Variants in MAGI2 observed in about 807,000 individuals in gnomAD.
MAGI2 encodes membrane associated guanylate kinase, WW and PDZ domain containing 2.
In MAGI2, 35 loss-of-function variants were observed where a neutral mutation model predicts 133.3. The observed-to-expected ratio is 0.26, with a 90% CI of 0.20 to 0.35. The LOEUF (loss-of-function observed/expected upper bound fraction) is 0.35, where lower values mean the gene tolerates loss of function less well. MAGI2 is among the 10% of genes least tolerant of loss of function. The probability of loss-of-function intolerance (pLI) is 1.00; values close to 1 mark genes in which losing one functional copy is unlikely to be tolerated. For synonymous variants in MAGI2, 729 were observed against 710.6 expected (o/e 1.03, Z -0.41); for missense variants, 1,636 against 1,863.4 (o/e 0.88, Z 2.25).
At chr7:78,279,078 A>G (rs1347010486) in intron 9 of MAGI2, among the ~76,000 whole-genome samples, 1 of 152,130 alleles carries the variant, frequency 6.6e-6, no homozygotes, top group Non-Finnish European at 1.5e-5. Flanking sequence ...ACATATCAGA[A>G]CTGGTTTCAC....
chr7:79,210,633 A>T (rs1230998435), intron 1 of MAGI2, among the ~76,000 whole-genome samples: 1 of 152,040 alleles, frequency 6.6e-6, no homozygotes, highest in Non-Finnish European at 1.5e-5. Context: ...AGCACTAAAA[A>T]CTTCCATCAC....
chr7:78,106,687 G>T (rs575971776), intron 20 of MAGI2, among the ~76,000 whole-genome samples: 1 of 151,920 alleles, frequency 6.6e-6, no homozygotes, highest in Non-Finnish European at 1.5e-5. Flanking sequence ...CAGATATTTT[G>T]CCCATTTTTA....
At chr7:78,552,334 T>A (rs1018050277) in intron 3 of MAGI2, among the ~76,000 whole-genome samples, 28 of 151,826 alleles carry the variant, frequency 1.8e-4, no homozygotes, top group African/African-American at 6.8e-4. Flanking sequence ...CAGGCATGCA[T>A]CACCACGCCT....
intron 1 of MAGI2, among the ~76,000 whole-genome samples, chr7:79,075,562 A>T (rs1815387701): frequency 6.6e-6 from 1 of 152,112 alleles, no homozygotes; most frequent in African/African-American, 2.4e-5. Flanking sequence ...GGAGTTCAAG[A>T]CCAGCCTGGG....
At chr7:79,210,920 T>G (rs887933835) in intron 1 of MAGI2, among the ~76,000 whole-genome samples, 5 of 152,052 alleles carry the variant, frequency 3.3e-5, no homozygotes, top group African/African-American at 1.2e-4. Context: ...TGCCATGAGT[T>G]TGTTTGGGAT....
At chr7:78,692,958 A>T (rs149863605) in intron 2 of MAGI2, among the ~76,000 whole-genome samples, 408 of 152,298 alleles carry the variant, frequency 2.7e-3, no homozygotes, top group Non-Finnish European at 2.1e-3. Context: ...TATATTGGAA[A>T]CATCTGGATC....
At chr7:78,969,271 C>A (rs752023806) in intron 2 of MAGI2, among the ~76,000 whole-genome samples, 2 of 152,066 alleles carry the variant, frequency 1.3e-5, no homozygotes, top group Non-Finnish European at 2.9e-5. Context: ...AACCAATCCC[C>A]TGGGCCTTAT....
intron 2 of MAGI2, among the ~76,000 whole-genome samples, chr7:78,838,265 T>C (rs1478585609): frequency 1.3e-5 from 2 of 152,036 alleles, no homozygotes; most frequent in Non-Finnish European, 2.9e-5. Context: ...AAGACAGATA[T>C]AAATCTTGAA....
At chr7:79,199,781 G>A (rs1828427437) in intron 1 of MAGI2, among the ~76,000 whole-genome samples, 1 of 151,948 alleles carries the variant, frequency 6.6e-6, no homozygotes, top group Non-Finnish European at 1.5e-5. Flanking sequence ...CCTTGGCAGT[G>A]CAGCCGGGGG....
chr7:78,956,935 C>G (rs933761587), intron 2 of MAGI2, among the ~76,000 whole-genome samples: 1 of 152,040 alleles, frequency 6.6e-6, no homozygotes. Flanking sequence ...GCTTCTTTAT[C>G]GATGGGCCAA....
intron 7 of MAGI2, among the ~76,000 whole-genome samples, chr7:78,357,408 A>T (rs865792050): frequency 6.6e-6 from 1 of 152,224 alleles, no homozygotes; most frequent in African/African-American, 2.4e-5. Flanking sequence ...CTTGGAGATA[A>T]AATTTACATA....
At chr7:78,359,169 C>A (rs1792501728) in intron 7 of MAGI2, 1 of 152,186 alleles carries the variant, frequency 6.6e-6, no homozygotes, top group Non-Finnish European at 1.5e-5. Context: ...ATAGAGCAAC[C>A]AGTTACTTTG....
chr7:78,459,494 A>G (rs1030740908), intron 6 of MAGI2, among the ~76,000 whole-genome samples: 5 of 152,176 alleles, frequency 3.3e-5, no homozygotes, highest in African/African-American at 9.6e-5. Context: ...GGTATTTTCA[A>G]TTACTTCATA....
intron 2 of MAGI2, among the ~76,000 whole-genome samples, chr7:78,935,161 A>C (rs1403732269): frequency 2.0e-5 from 3 of 152,202 alleles, no homozygotes; most frequent in African/African-American, 7.2e-5. Flanking sequence ...TAAATGACAA[A>C]TCACACCACA....
intron 18 of MAGI2, among the ~76,000 whole-genome samples, chr7:78,132,595 C>A (rs1821681552): frequency 6.6e-6 from 1 of 152,214 alleles, no homozygotes; most frequent in Non-Finnish European, 1.5e-5. Context: ...TGAGTAAGTT[C>A]TTCACTCTGG....
At chr7:78,311,300 C>G (rs918499197) in intron 9 of MAGI2, among the ~76,000 whole-genome samples, 1 of 152,178 alleles carries the variant, frequency 6.6e-6, no homozygotes, top group Non-Finnish European at 1.5e-5. Flanking sequence ...AAAAGAGGAA[C>G]AGTTGAGCAA....
intron 9 of MAGI2, among the ~76,000 whole-genome samples, chr7:78,277,606 T>A (rs1376349593): frequency 1.3e-5 from 2 of 151,956 alleles, no homozygotes; most frequent in Non-Finnish European, 2.9e-5. Flanking sequence ...ATAGGAAAAG[T>A]GAGATTTCAG....
intron 1 of MAGI2, among the ~76,000 whole-genome samples, chr7:79,436,759 T>G (rs540441727): frequency 6.6e-6 from 1 of 152,196 alleles, no homozygotes; most frequent in Admixed American, 6.5e-5. Context: ...GATTCTAAAT[T>G]AGTTCAATCC....
chr7:79,072,761 C>T (rs533925750), intron 1 of MAGI2, among the ~76,000 whole-genome samples: 1 of 152,192 alleles, frequency 6.6e-6, no homozygotes, highest in Admixed American at 6.5e-5. Context: ...GGCATAGCAG[C>T]AAAGTTTTTG....
Sources: gnomAD v4.1 joint callset for allele counts (sites outside exome capture counted in the v4.1 genomes callset) on GRCh38, gnomAD v4.1.1 for gene constraint, MANE v1.5 for transcripts, NCBI Gene and HGNC (gene_info 2026-07-23, HGNC 2026-07-21) for gene names.